Variants in PIEZO2 observed in about 807,000 individuals in gnomAD.
PIEZO2 encodes the protein piezo type mechanosensitive ion channel component 2.
PIEZO2 carries 172 observed loss-of-function variants against 337.3 expected under a neutral mutation model. The ratio of observed to expected loss-of-function variants is 0.51; its 90% CI spans 0.45 to 0.58. The LOEUF (loss-of-function observed/expected upper bound fraction) is 0.58, where lower values mean the gene tolerates loss of function less well. Among genes scored for constraint, PIEZO2 ranks in the 20% least tolerant of loss-of-function variants. PIEZO2 has a pLI of 0.00. For synonymous variants in PIEZO2, 1,251 were observed against 1,228.5 expected (o/e 1.02, Z -0.38); for missense variants, 3,028 against 3,391.3 (o/e 0.89, Z 2.66).
At position 11,100,740 on chromosome 18, in the gene PIEZO2, C is replaced by T. The variant is rs1013012234; in HGVS notation, c.65-34518G>A. ...CCTCCCAAGTAGCTGGGACTACAGGCGCCCGCCACCACGCCTGGCTAATTT... is the reference window on the plus strand; with the variant it reads ...CCTCCCAAGTAGCTGGGACTACAGGTGCCCGCCACCACGCCTGGCTAATTT... On this transcript the variant is annotated intron_variant, in intron 1 of 55. Transcript: ENST00000674853. Among the ~76,000 whole-genome samples, 20 of 152,194 alleles carry T rather than the reference C, an allele frequency of 1.3e-4. No homozygotes were observed. In the East Asian group the frequency reaches 1.7e-3, roughly 13 times the overall value.
intron 3 of PIEZO2, among the ~76,000 whole-genome samples, chr18:10,955,579 A>G (rs1312624987): frequency 1.3e-5 from 2 of 152,190 alleles, no homozygotes; most frequent in African/African-American, 4.8e-5. Context: ...GCTCCATGTT[A>G]TGAGGAAGAT....
At chr18:10,780,247 G>C in intron 18 of PIEZO2, 78 bp downstream of exon 18, 3 of 698,042 alleles carry the variant, frequency 4.3e-6, no homozygotes, top group Non-Finnish European at 7.9e-6. Flanking sequence ...CGATTTTCAT[G>C]TATAAAGCAG....
rs1487508349 is a variant in PIEZO2, at chr18:10,670,746, T to C, written c.*781A>G. 6.6e-6 allele frequency: 1 copy of C among 152,650 alleles called. No homozygotes were observed. The highest frequency in any genetic ancestry group is 2.4e-5 in the African/African-American group (1 of 41,452). 9.5% of individuals were successfully genotyped at this position (152,650 alleles called of 1,614,324 possible). On this transcript the variant is annotated 3_prime_UTR_variant, in exon 56 of 56. Coordinates refer to ENST00000674853, the MANE Select transcript of PIEZO2 (RefSeq NM_001378183.1). ...TTGGTCTTTTTACTCTTCTGCCTCA[T>C]GTCTGTTTGCACAGGAGACCGCAGC...
At chr18:11,064,546 T>A (rs546375997) in intron 2 of PIEZO2, among the ~76,000 whole-genome samples, 2 of 152,220 alleles carry the variant, frequency 1.3e-5, no homozygotes, top group Non-Finnish European at 2.9e-5. Flanking sequence ...GTTTCACCTA[T>A]GATGTCCCTG....
At chr18:11,058,876 C>T (rs183449140) in intron 2 of PIEZO2, among the ~76,000 whole-genome samples, 1 of 152,238 alleles carries the variant, frequency 6.6e-6, no homozygotes, top group Non-Finnish European at 1.5e-5. Flanking sequence ...GCAAGGCAGG[C>T]CAACATTCAA....
At chr18:10,703,173 C>A (rs964559708) in intron 42 of PIEZO2, among the ~76,000 whole-genome samples, 1 of 152,174 alleles carries the variant, frequency 6.6e-6, no homozygotes, top group South Asian at 2.1e-4. Context: ...ATACAAGAAG[C>A]TCTTGTTCCC....
intron 43 of PIEZO2, 111 bp downstream of exon 43, chr18:10,701,878 G>T: frequency 1.2e-6 from 1 of 829,478 alleles, no homozygotes; most frequent in Non-Finnish European, 1.7e-6. Flanking sequence ...CCACTCACTG[G>T]CCCCTCAGCC....
intron 7 of PIEZO2, among the ~76,000 whole-genome samples, chr18:10,823,851 C>T (rs1359021884): frequency 1.3e-5 from 2 of 152,192 alleles, no homozygotes; most frequent in Non-Finnish European, 2.9e-5. Context: ...AAAACATACA[C>T]AGACACCCAT....
rs2033414695 is a variant in PIEZO2, at chr18:10,953,975, G to A, written c.286+25560C>T. ...TTGAGGACCAGGTGGTGTGCAGCTG[G>A]TTCAGCACAGGGTCACATCTGCTGA... On this transcript the variant is annotated intron_variant, in intron 3 of 55. Coordinates refer to ENST00000674853, the MANE Select transcript of PIEZO2 (RefSeq NM_001378183.1). This position sits in a 1 kb window ranked among gnomAD's most constrained non-coding sequence, Gnocchi z 5.2. Among the ~76,000 whole-genome samples, 1 of 152,216 alleles carries A rather than the reference G, an allele frequency of 6.6e-6. No individual in the cohort carries two copies. Among genetic ancestry groups the A allele is most frequent in the Non-Finnish European group, 1.5e-5 (1 of 68,050 alleles).
Position 10,701,844 on chromosome 18 carries a change from TTAAA to T in PIEZO2, c.6441+141_6441+144del, listed in dbSNP as rs746652092. 0.22 allele frequency: 121,403 copies of T among 554,820 alleles called. 14,721 individuals carry two copies. Among genetic ancestry groups the T allele is most frequent in the South Asian group, 0.25 (3,646 of 14,560 alleles). The allele number at this position is 554,820 out of a possible 1,614,324, so 34.4% of individuals were successfully genotyped here. A position where few individuals can be genotyped will look rare whatever the true frequency, so the allele number is the denominator to read the frequency against. On this transcript the variant is annotated intron_variant, in intron 43 of 55. Coordinates refer to ENST00000674853, the MANE Select transcript of PIEZO2 (RefSeq NM_001378183.1). ...TTTTCTTTTCTCTCTCTTTTTTTTT[TTAAA>T]AAAAACATATGAGTAGATACCACTC...
chr18:10,970,490 C>A (rs1468563050), intron 3 of PIEZO2, among the ~76,000 whole-genome samples: 5 of 152,178 alleles, frequency 3.3e-5, no homozygotes, highest in Non-Finnish European at 7.3e-5. Context: ...CAACTTAACT[C>A]TTCTGTTTTT....
intron 38 of PIEZO2, among the ~76,000 whole-genome samples, chr18:10,715,435 T>C (rs1225602781): frequency 6.6e-6 from 1 of 152,236 alleles, no homozygotes; most frequent in Non-Finnish European, 1.5e-5. Flanking sequence ...GTTGCCATTC[T>C]GTGACGTGTG....
At position 10,856,749 on chromosome 18, in the gene PIEZO2, G is replaced by C. The variant is rs1438954585; in HGVS notation, c.703+252C>G. On this transcript the variant is annotated intron_variant, in intron 6 of 55. Coordinates refer to ENST00000674853, the MANE Select transcript of PIEZO2 (RefSeq NM_001378183.1). The surrounding 1 kb of genome is among the most constrained non-coding windows in gnomAD (Gnocchi z 4.7). The stretch of plus-strand genomic sequence containing the variant: ...TAATCTAAACCTAGAAAATGGAGTC[G>C]CTTAGCATATATAGAAAAAGATTAT... Among the ~76,000 whole-genome samples the C allele has an allele frequency of 6.6e-6, 1 of 152,120 alleles. No individual in the cohort carries two copies. Among genetic ancestry groups the C allele is most frequent in the East Asian group, 1.9e-4 (1 of 5,194 alleles).
At chr18:10,818,671 A>C (rs551907047) in intron 7 of PIEZO2, among the ~76,000 whole-genome samples, 13 of 152,356 alleles carry the variant, frequency 8.5e-5, no homozygotes, top group African/African-American at 3.1e-4. Flanking sequence ...AATAAGTTTG[A>C]TGGAGGACAG....
In PIEZO2 at chr18:10,719,051, ATGG is replaced by A. The variant is rs1418757277; in HGVS notation, c.5030-795_5030-793del. On this transcript the variant is annotated intron_variant, in intron 36 of 55. Transcript: ENST00000674853. ...TTTGCTATGAGGTTCTTTATAGAAA[ATGG>A]TTGTCATATCTTAAAATGACATTAT... Among the ~76,000 whole-genome samples, 25 of 152,110 alleles carry A rather than the reference ATGG, an allele frequency of 1.6e-4. No homozygotes were observed. In the East Asian group the frequency reaches 4.2e-3, roughly 26 times the overall value.
At position 10,832,254 on chromosome 18, in the gene PIEZO2, A is replaced by G. The variant is rs117942438; in HGVS notation, c.917+23099T>C. 6.3e-4 allele frequency among the ~76,000 whole-genome samples: 96 copies of G among 152,258 alleles called. No individual in the cohort carries two copies. The East Asian group carries it at 0.016, about 25-fold the overall frequency. ...AGACTCTGTCTCAAAAAAACAAAACAAAACAAAAACAGAGTTGGAAATACT... is the reference window on the plus strand; with the variant it reads ...AGACTCTGTCTCAAAAAAACAAAACGAAACAAAAACAGAGTTGGAAATACT... On this transcript the variant is annotated intron_variant, in intron 7 of 55. Transcript: ENST00000674853.
intron 7 of PIEZO2, among the ~76,000 whole-genome samples, chr18:10,814,042 T>A (rs773328941): frequency 3.3e-5 from 5 of 151,712 alleles, no homozygotes; most frequent in Non-Finnish European, 7.4e-5. Context: ...ATCTCGGCTC[T>A]CGGCAAGCTC....
chr18:10,908,884 G>C (rs1598666799), intron 4 of PIEZO2: 2 of 152,280 alleles, frequency 1.3e-5, no homozygotes, highest in African/African-American at 4.8e-5. Context: ...GTGGCTGACT[G>C]TCTGGGTAGC....
At chr18:10,935,541 G>A (rs909060382) in intron 3 of PIEZO2, among the ~76,000 whole-genome samples, 1 of 152,212 alleles carries the variant, frequency 6.6e-6, no homozygotes, top group African/African-American at 2.4e-5. Context: ...GTGCAGAGGT[G>A]AAAGGAATGG....
Sources: gnomAD v4.1 joint callset for allele counts (sites outside exome capture counted in the v4.1 genomes callset) on GRCh38, gnomAD v4.1.1 for gene constraint, Gnocchi (gnomAD v3.1) non-coding constraint, MANE v1.5 for transcripts, NCBI Gene and HGNC (gene_info 2026-07-23, HGNC 2026-07-21) for gene names.